Variants in CCDC80 observed in about 807,000 individuals in gnomAD.
CCDC80 encodes the protein coiled-coil domain containing 80.
In CCDC80, 49 loss-of-function variants were observed where a neutral mutation model predicts 78.7. The ratio of observed to expected loss-of-function variants is 0.62; its 90% CI spans 0.50 to 0.79. CCDC80 has a LOEUF of 0.79. CCDC80 is among the 30% of genes least tolerant of loss of function. The probability of loss-of-function intolerance (pLI) is 0.00; values close to 1 mark genes in which losing one functional copy is unlikely to be tolerated. For synonymous variants in CCDC80, 488 were observed against 447.0 expected (o/e 1.09, Z -1.16); for missense variants, 1,205 against 1,198.6 (o/e 1.01, Z -0.08).
intron 6 of CCDC80, 48 bp from the exon 7 acceptor site, chr3:112,607,304 T>C: frequency 1.4e-6 from 2 of 1,393,408 alleles, no homozygotes; most frequent in Non-Finnish European, 2.0e-6. Flanking sequence ...GATTAGAAGT[T>C]ATCTTTTACT....
At chr3:112,623,229 T>C (rs1178810132) in intron 3 of CCDC80, among the ~76,000 whole-genome samples, 1 of 152,148 alleles carries the variant, frequency 6.6e-6, no homozygotes, top group Non-Finnish European at 1.5e-5. Flanking sequence ...GGTACTAAAT[T>C]TTTTCATGTA....
At chr3:112,630,498 A>T (rs1576792509) in intron 2 of CCDC80, among the ~76,000 whole-genome samples, 2 of 152,286 alleles carry the variant, frequency 1.3e-5, no homozygotes, top group Admixed American at 1.3e-4. Flanking sequence ...ATTTACCTCC[A>T]TTACTAGCCT....
At chr3:112,640,055 A>G in intron 1 of CCDC80, 139 bp from the exon 2 acceptor site, 2 of 1,409,676 alleles carry the variant, frequency 1.4e-6, no homozygotes, top group Non-Finnish European at 1.9e-6. Flanking sequence ...AGAGAGAAGG[A>G]GGGAGGTCAG....
chr3:112,605,907 G>A, intron 7 of CCDC80, 144 bp from the exon 8 acceptor site: 1 of 707,954 alleles, frequency 1.4e-6, no homozygotes, highest in Non-Finnish European at 2.3e-6. Context: ...AAAGAAGTTT[G>A]CTGGGGCTTT....
At chr3:112,615,603 C>T (rs1468521419) in intron 5 of CCDC80, among the ~76,000 whole-genome samples, 1 of 152,138 alleles carries the variant, frequency 6.6e-6, no homozygotes, top group African/African-American at 2.4e-5. Flanking sequence ...AGGCTAAAAT[C>T]TACTGGGCTG....
rs1368252825 is a variant in CCDC80 at position 112,638,654 on chromosome 3, A to T, written c.1252T>A (p.Ser418Thr). 1 of 1,613,556 alleles carries T rather than the reference A, an allele frequency of 6.2e-7. No individual in the cohort carries two copies. Among genetic ancestry groups the T allele is most frequent in the East Asian group, 2.2e-5 (1 of 44,828 alleles). The change falls in exon 2 of 8, where the codon TCC (serine) becomes ACC (threonine). Residue 418 changes from serine to threonine, a missense_variant. By Grantham distance (58) the Ser-to-Thr change is moderately conservative. Coordinates refer to ENST00000206423, the MANE Select transcript of CCDC80 (RefSeq NM_199511.3). ...PSVSENLYPP[S>T]RKDQHRERPQ... ...CTCTCCCTGTGCTGATCCTTCCGGGATGGAGGGTAAAGATTCTCTGAAACT... is the reference window on the plus strand; with the variant it reads ...CTCTCCCTGTGCTGATCCTTCCGGGTTGGAGGGTAAAGATTCTCTGAAACT...
In CCDC80 at chr3:112,602,831, G is replaced by A. The variant is rs746525241; in HGVS notation, c.*2586C>T. The stretch of plus-strand genomic sequence containing the variant: ...AATGTTGATGTAGAAGCTGCAGTAA[G>A]TTATCCAGAAGATCTAGTTAAGATA... On this transcript the variant is annotated 3_prime_UTR_variant, in exon 8 of 8. Coordinates refer to ENST00000206423, the MANE Select transcript of CCDC80 (RefSeq NM_199511.3). 2 of 152,236 alleles carry A rather than the reference G, an allele frequency of 1.3e-5. No homozygotes were observed. Among genetic ancestry groups the A allele is most frequent in the Non-Finnish European group, 2.9e-5 (2 of 68,054 alleles). The allele number at this position is 152,236 out of a possible 1,614,324, so 9.4% of individuals were successfully genotyped here.
intron 3 of CCDC80, among the ~76,000 whole-genome samples, chr3:112,626,127 A>G (rs964953035): frequency 1.3e-5 from 2 of 152,202 alleles, no homozygotes; most frequent in African/African-American, 4.8e-5. Flanking sequence ...TGACACTGAT[A>G]TGCTTGATGT....
chr3:112,627,626 TG>T, intron 3 of CCDC80, among the ~76,000 whole-genome samples: 1 of 152,346 alleles, frequency 6.6e-6, no homozygotes, highest in Non-Finnish European at 1.5e-5. Flanking sequence ...TGGAGTTTTT[TG>T]GTTCACTGAG....
chr3:112,631,608 GA>G (rs1178906191), intron 2 of CCDC80, among the ~76,000 whole-genome samples: 2 of 151,982 alleles, frequency 1.3e-5, no homozygotes, highest in Non-Finnish European at 2.9e-5. Context: ...AACTATTTCC[GA>G]TATTTATGAC....
Position 112,638,136 on chromosome 3 carries a change from T to C in CCDC80, c.1770A>G (p.Lys590=). Residue 590 remains lysine, a synonymous_variant, in exon 2 of 8, where the codon AAA becomes AAG. Transcript: ENST00000206423. ...GTTTCTGATAGCCATCCTGTTCTGT[T>C]TTACCTCCTTTTTTCTTCTTGCTCT... is the stretch of plus-strand genomic sequence containing the variant. ...KEKSKKKKGG[K]TEQDGYQKPT... 1 of 1,614,150 alleles carries C rather than the reference T, an allele frequency of 6.2e-7. No homozygotes were observed. Among genetic ancestry groups the C allele is most frequent in the Non-Finnish European group, 8.5e-7 (1 of 1,180,012 alleles).
At chr3:112,620,479 T>C (rs1935843869) in intron 3 of CCDC80, among the ~76,000 whole-genome samples, 1 of 152,112 alleles carries the variant, frequency 6.6e-6, no homozygotes, top group Admixed American at 6.5e-5. Flanking sequence ...TTTACAATTA[T>C]TAGATTTATA....
rs1324722014 is a variant in CCDC80, at chr3:112,597,103, G to A, written c.*8314C>T. On this transcript the variant is annotated 3_prime_UTR_variant, in exon 8 of 8. Coordinates refer to ENST00000206423, the MANE Select transcript of CCDC80 (RefSeq NM_199511.3). The stretch of plus-strand genomic sequence containing the variant: ...AAGAAACTGACCCTGGTGATCACCA[G>A]AGTAGTTTCAGACTATAAACAACAC... 5 of 152,170 alleles carry A rather than the reference G, an allele frequency of 3.3e-5. No individual in the cohort carries two copies. Among genetic ancestry groups the A allele is most frequent in the Admixed American group, 3.3e-4 (5 of 15,256 alleles). 9.4% of individuals were successfully genotyped at this position (152,170 alleles called of 1,614,324 possible). A position where few individuals can be genotyped will look rare whatever the true frequency, so the allele number is the denominator to read the frequency against.
chr3:112,625,159 A>C (rs1935940727), intron 3 of CCDC80, among the ~76,000 whole-genome samples: 1 of 152,230 alleles, frequency 6.6e-6, no homozygotes, highest in Non-Finnish European at 1.5e-5. Flanking sequence ...GTGTTCAATC[A>C]TACTCACAAC....
At chr3:112,635,013 TTCG>T (rs1203057712) in intron 2 of CCDC80, among the ~76,000 whole-genome samples, 1 of 152,192 alleles carries the variant, frequency 6.6e-6, no homozygotes, top group Non-Finnish European at 1.5e-5. Context: ...TGTGCCCTTC[TTCG>T]TCAACAGGTT....
intron 3 of CCDC80, among the ~76,000 whole-genome samples, chr3:112,619,426 G>T (rs898084200): frequency 1.6e-4 from 24 of 152,160 alleles, no homozygotes; most frequent in African/African-American, 5.8e-4. Context: ...AACTCACCCA[G>T]GGAGTGAGTC....
At chr3:112,607,088 G>C in intron 7 of CCDC80, 88 bp downstream of exon 7, 1 of 958,582 alleles carries the variant, frequency 1.0e-6, no homozygotes, top group South Asian at 1.5e-5. Flanking sequence ...GTTCACCTTA[G>C]AGATACACCC....
intron 7 of CCDC80, 134 bp from the exon 8 acceptor site, chr3:112,605,897 AAAG>A (rs1935477331): frequency 1.3e-6 from 1 of 743,208 alleles, no homozygotes; most frequent in Non-Finnish European, 2.1e-6. Flanking sequence ...AAATCTAATT[AAAG>A]AAGTTTGCTG....
At position 112,605,455 on chromosome 3, in the gene CCDC80, G is replaced by A. The variant is rs1333893610; in HGVS notation, c.2815C>T (p.Arg939Cys). Residue 939 changes from arginine to cysteine, a missense_variant, in exon 8 of 8, where the codon CGT becomes TGT. Coordinates refer to ENST00000206423, the MANE Select transcript of CCDC80 (RefSeq NM_199511.3). ...GYQDGYQDDY[R>C]HHESYHHGYP... ...CCATGGTGATAACTCTCATGATGAC[G>A]GTAGTCATCCTGGTAACCATCCTGG... The A allele has an allele frequency of 5.6e-6, 9 of 1,613,562 alleles. No homozygotes were observed. Among genetic ancestry groups the A allele is most frequent in the Non-Finnish European group, 7.6e-6 (9 of 1,179,688 alleles).
Sources: gnomAD v4.1 joint callset for allele counts (sites outside exome capture counted in the v4.1 genomes callset) on GRCh38, gnomAD v4.1.1 for gene constraint, MANE v1.5 for transcripts, NCBI Gene and HGNC (gene_info 2026-07-23, HGNC 2026-07-21) for gene names.